ABCA8: variants seen among roughly 807,000 people sequenced by gnomAD.
ABCA8 encodes the protein ABC-type organic anion transporter ABCA8.
A neutral mutation model predicts 192.3 loss-of-function variants in ABCA8; 177 were observed. The observed-to-expected ratio is 0.92, with a 90% confidence interval of 0.81 to 1.04. ABCA8 has a LOEUF of 1.04. Among genes scored for constraint, ABCA8 ranks in the 50% least tolerant of loss-of-function variants. ABCA8 has a pLI of 0.00. For missense variants in ABCA8, 1,915 were observed against 1,904.8 expected, an observed-to-expected ratio of 1.01 and a Z score of -0.10; for synonymous variants, 642 against 690.2, an observed-to-expected ratio of 0.93 and a Z score of 1.09.
chr17:68,928,661 C>A (rs778857447), intron 9 of ABCA8, among the ~76,000 whole-genome samples: 1 of 151,970 alleles, frequency 6.6e-6, no homozygotes, highest in Non-Finnish European at 1.5e-5. Flanking sequence ...AATGAATTTT[C>A]CAGATGTTTT....
chr17:68,921,117 G>GC (rs2067520874), intron 13 of ABCA8, among the ~76,000 whole-genome samples: 1 of 151,928 alleles, frequency 6.6e-6, no homozygotes, highest in African/African-American at 2.4e-5. Flanking sequence ...ACCAAACGCC[G>GC]CATGTTCTCA....
intron 24 of ABCA8, among the ~76,000 whole-genome samples, chr17:68,888,565 T>C (rs2066548224): frequency 6.6e-6 from 1 of 152,118 alleles, no homozygotes; most frequent in African/African-American, 2.4e-5. Flanking sequence ...AAGAGAAGAA[T>C]TGAGGATAAT....
At chr17:68,918,804 C>T (rs1172477612) in intron 14 of ABCA8, among the ~76,000 whole-genome samples, 1 of 151,962 alleles carries the variant, frequency 6.6e-6, no homozygotes, top group Non-Finnish European at 1.5e-5. Flanking sequence ...TGGCGGCGTG[C>T]CTGTAATCCC....
At chr17:68,880,907 T>C in intron 32 of ABCA8, 1 of 556,212 alleles carries the variant, frequency 1.8e-6, no homozygotes. Flanking sequence ...AGGTTTTGAC[T>C]GGAAAAGCGA....
Position 68,937,113 on chromosome 17 carries a change from T to C in ABCA8, c.304A>G (p.Lys102Glu). The C allele has an allele frequency of 6.3e-7, 1 of 1,587,172 alleles. No homozygotes were observed. The highest frequency in any genetic ancestry group is 8.5e-7 in the Non-Finnish European group (1 of 1,171,126). The change falls in exon 5 of 40, where the codon AAA (lysine) becomes GAA (glutamate). Residue 102 changes from lysine to glutamate, a missense_variant and splice_region_variant. Physicochemically the swap from Lys to Glu is moderately conservative, Grantham distance 56 (BLOSUM62 1). Transcript: ENST00000586539. ...TCATCTGGCAGTCCCAAGACCTCTT[T>C]ACCTTTTGTTACAAGAAGGAATATT... ...KVASTPFLAG[K>E]EVLGLPDEES...
chr17:68,942,340 T>C (rs1466090972), intron 2 of ABCA8, among the ~76,000 whole-genome samples: 1 of 152,198 alleles, frequency 6.6e-6, no homozygotes, highest in African/African-American at 2.4e-5. Flanking sequence ...CTTTAAGTAC[T>C]TTCCTTTGCC....
At chr17:68,881,781 G>T (rs2066341348) in intron 31 of ABCA8, 82 bp downstream of exon 31, 2 of 915,086 alleles carry the variant, frequency 2.2e-6, no homozygotes, top group East Asian at 4.8e-5. Context: ...ACCAAGAGGT[G>T]GTTTCCAGAA....
chr17:68,930,544 CAAT>C (rs746556377), intron 7 of ABCA8, among the ~76,000 whole-genome samples: 64 of 152,254 alleles, frequency 4.2e-4, no homozygotes, highest in Non-Finnish European at 5.7e-4. Context: ...AAAGCCAACA[CAAT>C]AATAACTCAC....
In ABCA8 at chr17:68,887,042, C is replaced by T; in HGVS notation, c.3404G>A (p.Gly1135Asp). ...AACATAGAAACAAAATGACCAAATG[C>T]CACTATTTTTTCTCCCCTTGCGAAA... ...FIFRKGRKNS[G>D]IWSFCFYVVT... is the part of the protein sequence containing the mutation. Residue 1135 changes from glycine to aspartate, a missense_variant, in exon 26 of 40, where the codon GGC (glycine) becomes GAC (aspartate). Physicochemically the swap from Gly to Asp is moderately conservative, Grantham distance 94. Transcript: ENST00000586539. The T allele has an allele frequency of 8.1e-6, 13 of 1,609,960 alleles. No individual in the cohort carries two copies. The highest frequency in any genetic ancestry group is 1.0e-5 in the Non-Finnish European group (12 of 1,176,834).
intron 18 of ABCA8, among the ~76,000 whole-genome samples, chr17:68,906,771 C>T (rs1023754095): frequency 1.3e-5 from 2 of 152,156 alleles, no homozygotes; most frequent in Non-Finnish European, 2.9e-5. Context: ...ATTATTCGCT[C>T]TAGCAATTTT....
At chr17:68,891,643 T>C in intron 23 of ABCA8, 47 bp from the exon 24 acceptor site, 1 of 1,426,750 alleles carries the variant, frequency 7.0e-7, no homozygotes, top group South Asian at 1.2e-5. Flanking sequence ...AAATTTAAAG[T>C]TAATTTTCTG....
intron 21 of ABCA8, among the ~76,000 whole-genome samples, chr17:68,900,828 C>G (rs2066889672): frequency 6.6e-6 from 1 of 152,000 alleles, no homozygotes; most frequent in Non-Finnish European, 1.5e-5. Context: ...TCAGTAGACA[C>G]AGAGAAAACA....
chr17:68,880,567 T>A (rs2066311911), intron 32 of ABCA8, among the ~76,000 whole-genome samples: 1 of 152,160 alleles, frequency 6.6e-6, no homozygotes. Flanking sequence ...TTTTTAGGGC[T>A]CTGTGGTTTC....
intron 17 of ABCA8, among the ~76,000 whole-genome samples, chr17:68,915,519 A>G (rs1425152546): frequency 1.3e-5 from 2 of 152,226 alleles, no homozygotes; most frequent in African/African-American, 4.8e-5. Context: ...CAGGCATATG[A>G]AAAAGGGCTC....
chr17:68,894,848 T>C (rs1043670563), intron 22 of ABCA8, 32 bp downstream of exon 22: 2 of 1,591,176 alleles, frequency 1.3e-6, no homozygotes, highest in Non-Finnish European at 1.7e-6. Flanking sequence ...GCTTTTCACA[T>C]TTTTCAGAAA....
At chr17:68,950,292 A>G (rs1036847141) in intron 1 of ABCA8, among the ~76,000 whole-genome samples, 2 of 152,190 alleles carry the variant, frequency 1.3e-5, no homozygotes, top group Non-Finnish European at 2.9e-5. Flanking sequence ...ATTCAATGCT[A>G]TTCCCATCAA....
At chr17:68,902,173 C>A (rs146166528) in intron 21 of ABCA8, among the ~76,000 whole-genome samples, 1 of 152,058 alleles carries the variant, frequency 6.6e-6, no homozygotes, top group South Asian at 2.1e-4. Flanking sequence ...ACATGCTAAG[C>A]GAAAGAAGTC....
At chr17:68,925,082 T>G (rs1376752692) in intron 10 of ABCA8, among the ~76,000 whole-genome samples, 1 of 152,166 alleles carries the variant, frequency 6.6e-6, no homozygotes, top group Non-Finnish European at 1.5e-5. Flanking sequence ...GCAATGAAAC[T>G]GTGATTTTTA....
At chr17:68,922,153 G>A (rs2067549236) in intron 12 of ABCA8, 89 bp downstream of exon 12, 8 of 838,294 alleles carry the variant, frequency 9.5e-6, no homozygotes, top group Non-Finnish European at 1.3e-5. Flanking sequence ...TTAAAATCAG[G>A]AAATCAATAC....
Sources: gnomAD v4.1 joint callset for allele counts (sites outside exome capture counted in the v4.1 genomes callset) on GRCh38, gnomAD v4.1.1 for gene constraint, MANE v1.5 for transcripts, NCBI Gene and HGNC (gene_info 2026-07-23, HGNC 2026-07-21) for gene names.